The following DPP6 variants were observed in gnomAD, a reference collection of about 807,000 sequenced individuals.
The protein encoded by DPP6 is dipeptidyl peptidase like 6, also known as A-type potassium channel modulatory protein DPP6.
A neutral mutation model predicts 122.6 loss-of-function variants in DPP6; 69 were observed. The observed-to-expected ratio is 0.56, with a 90% CI of 0.46 to 0.69. The LOEUF (loss-of-function observed/expected upper bound fraction) is 0.69. DPP6 is among the 30% of genes least tolerant of loss of function. DPP6 has a pLI of 0.00. For missense variants in DPP6, 928 were observed against 1,116.9 expected (o/e 0.83, Z 2.41); for synonymous variants, 418 against 433.1 (o/e 0.97, Z 0.43).
intron 10 of DPP6, 37 bp downstream of exon 10, chr7:154,772,979 A>C (rs1360549335): frequency 6.6e-7 from 1 of 1,522,890 alleles, no homozygotes; most frequent in African/African-American, 1.4e-5. Context: ...AAAAAAAAAA[A>C]AAACTAAGAT....
At chr7:154,019,810 C>G (rs1414151874) in intron 1 of DPP6, among the ~76,000 whole-genome samples, 3 of 152,214 alleles carry the variant, frequency 2.0e-5, no homozygotes, top group African/African-American at 7.2e-5. Flanking sequence ...TTTGTAAAAT[C>G]TTTATTGAAC....
upstream of DPP6, among the ~76,000 whole-genome samples, chr7:153,886,799 C>G (rs1798935187): frequency 6.6e-6 from 1 of 152,204 alleles, no homozygotes; most frequent in Admixed American, 6.5e-5. Flanking sequence ...CCTCCGCTCC[C>G]TCGCCAGACT....
At chr7:154,676,362 CT>C (rs1435668112) in intron 7 of DPP6, among the ~76,000 whole-genome samples, 1 of 114,336 alleles carries the variant, frequency 8.7e-6, no homozygotes, top group African/African-American at 2.7e-5. Context: ...GGAGGTCCAG[CT>C]GGCCTTCCCC....
the DPP6 span, among the ~76,000 whole-genome samples, chr7:153,781,869 T>C: frequency 6.6e-6 from 1 of 151,906 alleles, no homozygotes; most frequent in Non-Finnish European, 1.5e-5. Flanking sequence ...ATTTATGAGA[T>C]GTTGTTACTG....
intron 1 of DPP6, among the ~76,000 whole-genome samples, chr7:154,348,143 A>G (rs544825209): frequency 6.6e-6 from 1 of 152,052 alleles, no homozygotes; most frequent in South Asian, 2.1e-4. Flanking sequence ...TAAACAGGAG[A>G]CATATGTAAC....
intron 1 of DPP6, among the ~76,000 whole-genome samples, chr7:154,208,455 A>T (rs1799570862): frequency 6.6e-6 from 1 of 152,258 alleles, no homozygotes; most frequent in South Asian, 2.1e-4. Flanking sequence ...CCGCTGACTC[A>T]TCCCATCTGC....
chr7:154,779,047 T>TCC (rs1796815985), intron 10 of DPP6, among the ~76,000 whole-genome samples: 1 of 6,060 alleles, frequency 1.7e-4, no homozygotes, highest in Admixed American at 1.7e-3. Context: ...CCACCACAAC[T>TCC]ACCCCCACCA....
chr7:154,347,207 T>C (rs1214731529), intron 1 of DPP6, among the ~76,000 whole-genome samples: 1 of 152,260 alleles, frequency 6.6e-6, no homozygotes, highest in African/African-American at 2.4e-5. Flanking sequence ...CAGTCTTGAC[T>C]AAGGTTGGGT....
In DPP6 at chr7:154,282,929, G is replaced by A. The variant is rs1303432163; in HGVS notation, c.244-163285G>A. 6.6e-6 allele frequency among the ~76,000 whole-genome samples: 1 copy of A among 152,118 alleles called. No individual in the cohort carries two copies. Among genetic ancestry groups the A allele is most frequent in the African/African-American group, 2.4e-5 (1 of 41,422 alleles). On this transcript the variant is annotated intron_variant, in intron 1 of 25. Transcript: ENST00000377770. The surrounding 1 kb of genome is among the most constrained non-coding windows in gnomAD (Gnocchi z 4.8). ...CTGCTCAGTCCAAGGGTCACAACATGTCTGATGCCTAGCTCTGGACTCAAG... is the reference window on the plus strand; with the variant it reads ...CTGCTCAGTCCAAGGGTCACAACATATCTGATGCCTAGCTCTGGACTCAAG...
the DPP6 span, among the ~76,000 whole-genome samples, chr7:153,804,599 A>C: frequency 6.6e-6 from 1 of 152,210 alleles, no homozygotes; most frequent in Non-Finnish European, 1.5e-5. Context: ...GGTTTTTGCC[A>C]TTTAAAAACT....
chr7:154,732,636 T>TG (rs1842393659), intron 8 of DPP6, among the ~76,000 whole-genome samples: 1 of 152,150 alleles, frequency 6.6e-6, no homozygotes, highest in African/African-American at 2.4e-5. Context: ...GTCATCAGCC[T>TG]GGGATGGCAG....
At chr7:154,822,365 A>G (rs1799849940) in intron 16 of DPP6, among the ~76,000 whole-genome samples, 2 of 152,204 alleles carry the variant, frequency 1.3e-5, no homozygotes, top group East Asian at 1.9e-4. Flanking sequence ...GCGTCCTCAC[A>G]TGGTGGAAGG....
rs537151747 is a variant in DPP6, at chr7:154,267,491, TAC to T, written c.244-178713_244-178712del. Reference sequence around the variant, plus strand: ...TCTCTTATAAACACATACACATGTGTACACACACACATATATGCACACATACT... The same window carrying T: ...TCTCTTATAAACACATACACATGTGTACACACACATATATGCACACATACT... On this transcript the variant is annotated intron_variant, in intron 1 of 25. Transcript: ENST00000377770. Among the ~76,000 whole-genome samples the T allele has an allele frequency of 2.5e-4, 37 of 150,554 alleles. 1 individual carries two copies. In the East Asian group the frequency reaches 3.1e-3, roughly 13 times the overall value.
chr7:154,503,938 T>A (rs1160534743), intron 3 of DPP6, among the ~76,000 whole-genome samples: 5 of 152,212 alleles, frequency 3.3e-5, no homozygotes, highest in African/African-American at 1.2e-4. Flanking sequence ...ATCCTGCACA[T>A]GTACCCTGAA....
rs1815843573 is a variant in DPP6, at chr7:154,403,725, GGGT to G, written c.244-42487_244-42485del. ...GTTCATGCCGTGACAGTCCATTCAG[GGGT>G]GCAGGAGCTGGTAGCTGAGTTCCCC... On this transcript the variant is annotated intron_variant, in intron 1 of 25. Coordinates refer to ENST00000377770, the MANE Select transcript of DPP6 (RefSeq NM_130797.4). This position sits in a 1 kb window ranked among gnomAD's most constrained non-coding sequence, Gnocchi z 4.1. Among the ~76,000 whole-genome samples, 6 of 152,250 alleles carry G rather than the reference GGGT, an allele frequency of 3.9e-5. No individual in the cohort carries two copies. The highest frequency in any genetic ancestry group is 1.4e-4 in the African/African-American group (6 of 41,464).
At position 154,810,094 on chromosome 7, in the gene DPP6, G is replaced by A. The variant is rs538355817; in HGVS notation, c.1666+2982G>A. 1.6e-4 allele frequency among the ~76,000 whole-genome samples: 25 copies of A among 152,358 alleles called. No homozygotes were observed. In the South Asian group the frequency reaches 3.3e-3, roughly 20 times the overall value. On this transcript the variant is annotated intron_variant, in intron 16 of 25. Transcript: ENST00000377770. ...TGGTCTCACACTCCTGGTCTCAAAT[G>A]TTCCACCTGCCTTGGCCTCCCAAAG...
intron 1 of DPP6, among the ~76,000 whole-genome samples, chr7:154,248,054 A>G (rs879830650): frequency 2.0e-5 from 3 of 152,116 alleles, no homozygotes; most frequent in Non-Finnish European, 2.9e-5. Flanking sequence ...AGGGCCCTCT[A>G]CCAGGTTGTA....
chr7:154,874,216 C>T (rs1295713009), intron 19 of DPP6, among the ~76,000 whole-genome samples: 1 of 152,236 alleles, frequency 6.6e-6, no homozygotes, highest in Non-Finnish European at 1.5e-5. Context: ...AGGATGCTAA[C>T]AACTTCCGAA....
the DPP6 span, among the ~76,000 whole-genome samples, chr7:153,812,306 C>T: frequency 6.6e-6 from 1 of 152,070 alleles, no homozygotes; most frequent in Admixed American, 6.6e-5. Flanking sequence ...ATCCTTAAAA[C>T]ATGATACCTA....
Sources: gnomAD v4.1 joint callset for allele counts (sites outside exome capture counted in the v4.1 genomes callset) on GRCh38, gnomAD v4.1.1 for gene constraint, Gnocchi (gnomAD v3.1) non-coding constraint, MANE v1.5 for transcripts, NCBI Gene and HGNC (gene_info 2026-07-23, HGNC 2026-07-21) for gene names.